Variants in FHL5 observed in about 807,000 individuals in gnomAD.
The protein encoded by FHL5 is four and a half LIM domains protein 5.
In FHL5, 33 loss-of-function variants were observed where a neutral mutation model predicts 32.0. The observed-to-expected ratio is 1.03, with a 90% CI of 0.78 to 1.38. The LOEUF (loss-of-function observed/expected upper bound fraction) is 1.38. Among genes scored for constraint, FHL5 ranks in the 40% most tolerant of loss-of-function variants. The pLI is 0.00. For missense variants in FHL5, 336 were observed against 343.9 expected (o/e 0.98, Z 0.18); for synonymous variants, 114 against 113.6 (o/e 1.00, Z -0.02).
At chr6:96,567,597 A>G (rs1770383971) in intron 1 of FHL5, among the ~76,000 whole-genome samples, 2 of 151,904 alleles carry the variant, frequency 1.3e-5, no homozygotes, top group East Asian at 1.9e-4. Context: ...AATTTTTACA[A>G]TATTAATGTC....
chr6:96,606,518 A>G (rs986607534), intron 4 of FHL5, among the ~76,000 whole-genome samples: 1 of 151,902 alleles, frequency 6.6e-6, no homozygotes, highest in African/African-American at 2.4e-5. Context: ...TGTCCAGCTA[A>G]TTTTTGTATT....
At chr6:96,565,744 G>T (rs574445660) in intron 1 of FHL5, among the ~76,000 whole-genome samples, 3 of 152,152 alleles carry the variant, frequency 2.0e-5, no homozygotes, top group Non-Finnish European at 4.4e-5. Flanking sequence ...TCTTGGGCTT[G>T]TTCTCCAGCT....
chr6:96,570,846 C>T (rs1321680334), intron 1 of FHL5, among the ~76,000 whole-genome samples: 2 of 151,688 alleles, frequency 1.3e-5, no homozygotes, highest in Non-Finnish European at 2.9e-5. Context: ...TTGTTTTGTT[C>T]TTTTTATGAT....
chr6:96,617,581 A>G lies in FHL5; in HGVS notation c.*1809A>G, dbSNP rs1771548732. Among the ~76,000 whole-genome samples the G allele has an allele frequency of 6.6e-6, 1 of 152,204 alleles. No individual in the cohort carries two copies. Among genetic ancestry groups the G allele is most frequent in the South Asian group, 2.1e-4 (1 of 4,824 alleles). On this transcript the variant is annotated 3_prime_UTR_variant, in exon 6 of 6. Coordinates refer to ENST00000450218, the MANE Select transcript of FHL5 (RefSeq NM_001322466.2). Reference sequence around the variant, plus strand: ...AAACTATCAATATTTTTTCTGCATTATATGAAATTTCACAGGTAGAACTAA... The same window carrying G: ...AAACTATCAATATTTTTTCTGCATTGTATGAAATTTCACAGGTAGAACTAA...
chr6:96,569,864 T>C (rs1770439284), intron 1 of FHL5, among the ~76,000 whole-genome samples: 1 of 150,312 alleles, frequency 6.7e-6, no homozygotes, highest in African/African-American at 2.4e-5. Context: ...GTCTATATCT[T>C]TTCAGTTGGG....
intron 3 of FHL5, 26 bp from the exon 4 acceptor site, chr6:96,605,876 A>G: frequency 6.2e-7 from 1 of 1,605,996 alleles, no homozygotes; most frequent in Non-Finnish European, 8.5e-7. Context: ...GACTTATACT[A>G]ACATGGCCTT....
rs748972114 is a variant in FHL5, at chr6:96,603,705, C to T, written c.92C>T (p.Thr31Ile). The change falls in exon 2 of 6, where the codon ACA (threonine) becomes ATA (isoleucine). Residue 31 changes from threonine to isoleucine, a missense_variant. Physicochemically the swap from Thr to Ile is moderately conservative, Grantham distance 89 (BLOSUM62 -1). Transcript: ENST00000450218. ...AAGGATGACAGTCCATACTGTGTTA[C>T]ATGTTATGATCGTGTATTTTCTAAC... ...VLKDDSPYCV[T>I]CYDRVFSNYC... 6.2e-7 allele frequency: 1 copy of T among 1,612,340 alleles called. No individual in the cohort carries two copies.
At chr6:96,565,048 G>A (rs114398831) in intron 1 of FHL5, among the ~76,000 whole-genome samples, 1 of 151,878 alleles carries the variant, frequency 6.6e-6, no homozygotes, top group African/African-American at 2.4e-5. Flanking sequence ...TTGAGCCCAG[G>A]GTTCAAGACC....
chr6:96,570,575 G>T (rs191878160), intron 1 of FHL5, among the ~76,000 whole-genome samples: 1 of 152,058 alleles, frequency 6.6e-6, no homozygotes, highest in Non-Finnish European at 1.5e-5. Flanking sequence ...TATTAAACAG[G>T]CTTTCTATAC....
chr6:96,601,676 A>G (rs1771151824), intron 1 of FHL5, among the ~76,000 whole-genome samples: 1 of 152,238 alleles, frequency 6.6e-6, no homozygotes, highest in African/African-American at 2.4e-5. Flanking sequence ...ATGCTATTAT[A>G]CACATCTAAA....
intron 1 of FHL5, among the ~76,000 whole-genome samples, chr6:96,570,957 C>T (rs1393715472): frequency 6.6e-6 from 1 of 151,934 alleles, no homozygotes; most frequent in East Asian, 1.9e-4. Flanking sequence ...AGTTTCCTTA[C>T]AATCATTATT....
At chr6:96,594,289 A>G (rs2127968462) in intron 1 of FHL5, among the ~76,000 whole-genome samples, 1 of 130,018 alleles carries the variant, frequency 7.7e-6, no homozygotes, top group African/African-American at 2.9e-5. Flanking sequence ...GTATGTATTT[A>G]CTTCTTGAGG....
At chr6:96,565,533 T>G (rs534256706) in intron 1 of FHL5, among the ~76,000 whole-genome samples, 6 of 152,216 alleles carry the variant, frequency 3.9e-5, no homozygotes, top group Non-Finnish European at 8.8e-5. Flanking sequence ...CTCACTTGAT[T>G]TTTAGCAAAG....
chr6:96,608,587 G>T (rs1010990531), intron 4 of FHL5, among the ~76,000 whole-genome samples: 1 of 152,074 alleles, frequency 6.6e-6, no homozygotes, highest in Non-Finnish European at 1.5e-5. Flanking sequence ...TTTATTTTCT[G>T]CCAGAAAGCA....
intron 1 of FHL5, among the ~76,000 whole-genome samples, chr6:96,590,191 C>T (rs1451513299): frequency 6.6e-6 from 1 of 151,954 alleles, no homozygotes; most frequent in Non-Finnish European, 1.5e-5. Context: ...AAAAAAATAA[C>T]CTGATGGAAT....
intron 1 of FHL5, among the ~76,000 whole-genome samples, chr6:96,590,149 G>T (rs915269869): frequency 6.6e-6 from 1 of 151,846 alleles, no homozygotes; most frequent in South Asian, 2.1e-4. Context: ...CTGGCCCTCT[G>T]CATTTCTTTA....
chr6:96,593,984 T>G (rs1415696695), intron 1 of FHL5, among the ~76,000 whole-genome samples: 1 of 151,874 alleles, frequency 6.6e-6, no homozygotes, highest in Non-Finnish European at 1.5e-5. Context: ...TAGTGAATTT[T>G]CTCTTTATGC....
chr6:96,587,168 A>C (rs1479433458), intron 1 of FHL5, among the ~76,000 whole-genome samples: 1 of 152,216 alleles, frequency 6.6e-6, no homozygotes, highest in Non-Finnish European at 1.5e-5. Flanking sequence ...AGTTAGCCAA[A>C]GCTTTAGCTG....
chr6:96,579,504 C>T (rs2971610), intron 1 of FHL5, among the ~76,000 whole-genome samples: 62,395 of 151,918 alleles, frequency 0.41, 13,536 homozygotes, highest in African/African-American at 0.57. Flanking sequence ...GATAGTACAA[C>T]AGATAGTACA....
Sources: allele counts gnomAD v4.1 joint callset (sites outside exome capture counted in the v4.1 genomes callset), GRCh38; gene constraint gnomAD v4.1.1; transcripts MANE v1.5; gene names NCBI Gene and HGNC (gene_info 2026-07-23, HGNC 2026-07-21).